CCDC171: variants seen among roughly 807,000 people sequenced by gnomAD.
CCDC171 encodes coiled-coil domain-containing protein 171.
Under a neutral mutation model 168.2 loss-of-function variants are expected in CCDC171, and 177 were observed. The ratio of observed to expected loss-of-function variants is 1.05; its 90% CI spans 0.93 to 1.19. CCDC171 has a LOEUF of 1.19. CCDC171 is among the 50% of genes most tolerant of loss of function. CCDC171 has a pLI of 0.00. For missense variants in CCDC171, 1,991 were observed against 1,539.0 expected (o/e 1.29, Z -4.91); for synonymous variants, 687 against 540.8 (o/e 1.27, Z -3.75).
chr9:15,982,297 A>G (rs1019134872), intron 3 of CCDC171, among the ~76,000 whole-genome samples: 6 of 152,164 alleles, frequency 3.9e-5, no homozygotes, highest in Admixed American at 3.9e-4. Flanking sequence ...AGAATTTAGA[A>G]CCGTATTCAC....
At chr9:15,903,480 T>C (rs1028903133) in intron 24 of CCDC171, among the ~76,000 whole-genome samples, 1 of 150,958 alleles carries the variant, frequency 6.6e-6, no homozygotes, top group African/African-American at 2.4e-5. Flanking sequence ...TCCTGACTGT[T>C]AGAAGGAAAA....
At chr9:15,597,762 A>G (rs2042488473) in intron 6 of CCDC171, among the ~76,000 whole-genome samples, 1 of 152,116 alleles carries the variant, frequency 6.6e-6, no homozygotes, top group Non-Finnish European at 1.5e-5. Flanking sequence ...TCGGCTGTGA[A>G]TCCATCTGGT....
At chr9:15,953,221 C>G (rs147743007) in intron 25 of CCDC171, among the ~76,000 whole-genome samples, 1 of 152,116 alleles carries the variant, frequency 6.6e-6, no homozygotes, top group African/African-American at 2.4e-5. Flanking sequence ...ATGTTGAATG[C>G]AAGTGGTGAA....
chr9:15,803,331 C>G (rs2058917666), intron 21 of CCDC171, among the ~76,000 whole-genome samples: 2 of 151,342 alleles, frequency 1.3e-5, no homozygotes, highest in African/African-American at 2.4e-5. Context: ...AAATCTTTGC[C>G]CATGCCTATG....
chr9:16,061,176 T>G (rs568193613), exon 2 of CCDC171: 4 of 152,340 alleles, frequency 2.6e-5, no homozygotes, highest in African/African-American at 9.6e-5. Context: ...TTCCTTTGCC[T>G]CAGTGGCTTT....
At chr9:15,757,625 A>G (rs527639079) in intron 18 of CCDC171, among the ~76,000 whole-genome samples, 2 of 152,344 alleles carry the variant, frequency 1.3e-5, no homozygotes, top group East Asian at 3.9e-4. Context: ...TCTCCAAGAC[A>G]ATGGGGAAAT....
In CCDC171 at chr9:15,797,618, A is replaced by G. The variant is rs571191528; in HGVS notation, c.3267+12924A>G. On this transcript the variant is annotated intron_variant, in intron 21 of 25. Transcript: ENST00000380701. ...TTTTTTCACATATATTAATAATATTATCTTTTAGTCTTTGGTTTGCTTTTT... is the reference window on the plus strand; with the variant it reads ...TTTTTTCACATATATTAATAATATTGTCTTTTAGTCTTTGGTTTGCTTTTT... Among the ~76,000 whole-genome samples, 19 of 152,136 alleles carry G rather than the reference A, an allele frequency of 1.2e-4. No homozygotes were observed. The South Asian group carries it at 3.5e-3, about 28-fold the overall frequency.
intron 24 of CCDC171, among the ~76,000 whole-genome samples, chr9:15,904,006 C>G (rs529952817): frequency 1.3e-5 from 2 of 152,212 alleles, no homozygotes; most frequent in Admixed American, 1.3e-4. Context: ...AACAAAGCCT[C>G]CAAGAAATAT....
intron 6 of CCDC171, among the ~76,000 whole-genome samples, chr9:15,613,725 A>T (rs1164654064): frequency 6.6e-6 from 1 of 151,952 alleles, no homozygotes; most frequent in African/African-American, 2.4e-5. Flanking sequence ...GGGTTTCACC[A>T]TGTTGGCCAG....
At position 15,784,651 on chromosome 9, in the gene CCDC171, G is replaced by A. The variant is rs140588510; in HGVS notation, c.3224G>A (p.Ser1075Asn). 3.7e-6 allele frequency: 6 copies of A among 1,613,198 alleles called. No individual in the cohort carries two copies. Among genetic ancestry groups the A allele is most frequent in the African/African-American group, 1.3e-5 (1 of 74,896 alleles). The change falls in exon 21 of 26, where the codon AGT (serine) becomes AAT (asparagine). Residue 1075 changes from serine (S) to asparagine (N), a missense_variant. Transcript: ENST00000380701. ...AATTATAAACTTGAATTGCACTCCA[G>A]TGAGGAAGCTGACAAAAACCAAACT... Reference protein sequence around the residue: ...ELNYKLELHSSEEADKNQTLG... With the variant: ...ELNYKLELHSNEEADKNQTLG...
At chr9:15,839,298 G>A (rs935749114) in intron 21 of CCDC171, among the ~76,000 whole-genome samples, 1 of 152,082 alleles carries the variant, frequency 6.6e-6, no homozygotes, top group African/African-American at 2.4e-5. Context: ...CTAACTTTAT[G>A]GAGTTTGATA....
intron 10 of CCDC171, among the ~76,000 whole-genome samples, chr9:15,683,496 C>T (rs1326957849): frequency 6.6e-6 from 1 of 151,948 alleles, no homozygotes; most frequent in East Asian, 1.9e-4. Context: ...TTGTTTTTCA[C>T]CAAGAATAGG....
chr9:16,075,008 A>G, the CCDC171 span, among the ~76,000 whole-genome samples: 45 of 152,308 alleles, frequency 3.0e-4, no homozygotes, highest in Middle Eastern at 0.017. Flanking sequence ...TACTTTATAC[A>G]TGCTGAGTCT....
chr9:15,592,255 G>A lies in CCDC171; in HGVS notation c.543+699G>A, dbSNP rs147201947. Among the ~76,000 whole-genome samples, 70 of 151,980 alleles carry A rather than the reference G, an allele frequency of 4.6e-4. 1 individual carries two copies. The highest frequency in any genetic ancestry group is 1.6e-3 in the African/African-American group (66 of 41,444). ...GAGGTGGGAAGATCACTTGAGGCCA[G>A]GAGTTTGAGGCCACAGTATACCATG... On this transcript the variant is annotated intron_variant, in intron 5 of 25. Transcript: ENST00000380701.
chr9:15,874,016 C>T (rs1817525128), intron 23 of CCDC171, among the ~76,000 whole-genome samples: 1 of 152,028 alleles, frequency 6.6e-6, no homozygotes. Context: ...AAACCTCTTT[C>T]TTGTATATTT....
intron 21 of CCDC171, among the ~76,000 whole-genome samples, chr9:15,823,406 G>A (rs373092606): frequency 6.6e-6 from 1 of 151,978 alleles, no homozygotes; most frequent in East Asian, 1.9e-4. Flanking sequence ...TTTTTTCACA[G>A]ATGTTTTCTC....
At chr9:15,989,438 A>G (rs937850395) in intron 3 of CCDC171, among the ~76,000 whole-genome samples, 7 of 152,214 alleles carry the variant, frequency 4.6e-5, no homozygotes, top group Admixed American at 2.6e-4. Flanking sequence ...CGTCACCATC[A>G]TCAAAGACCA....
intron 21 of CCDC171, among the ~76,000 whole-genome samples, chr9:15,832,114 C>G (rs1449471204): frequency 6.6e-6 from 1 of 151,876 alleles, no homozygotes; most frequent in Non-Finnish European, 1.5e-5. Context: ...TCTTCTTTTT[C>G]TTTTTGTTTT....
chr9:16,049,957 G>A (rs1224059481), intron 1 of CCDC171, among the ~76,000 whole-genome samples: 1 of 152,176 alleles, frequency 6.6e-6, no homozygotes, highest in Non-Finnish European at 1.5e-5. Flanking sequence ...TGCAATCTCA[G>A]CTCACTGCAA....
Sources: gnomAD v4.1 joint callset for allele counts (sites outside exome capture counted in the v4.1 genomes callset) on GRCh38, gnomAD v4.1.1 for gene constraint, MANE v1.5 for transcripts, NCBI Gene and HGNC (gene_info 2026-07-23, HGNC 2026-07-21) for gene names.